Variants in CDKAL1 observed in about 807,000 individuals in gnomAD.
CDKAL1 encodes the protein CDKAL1 threonylcarbamoyladenosine tRNA methylthiotransferase.
CDKAL1 carries 32 observed loss-of-function variants against 68.2 expected under a neutral mutation model. That is an observed-to-expected ratio of 0.47 (90% CI 0.35 to 0.63). The LOEUF is 0.63. CDKAL1 is among the 30% of genes least tolerant of loss of function. The pLI is 0.00. For synonymous variants in CDKAL1, 234 were observed against 244.3 expected, an observed-to-expected ratio of 0.96 and a Z score of 0.39; for missense variants, 606 against 696.7, an observed-to-expected ratio of 0.87 and a Z score of 1.47.
At chr6:21,167,860 G>A (rs952270661) in intron 13 of CDKAL1, among the ~76,000 whole-genome samples, 2 of 152,126 alleles carry the variant, frequency 1.3e-5, no homozygotes, top group Non-Finnish European at 2.9e-5. Flanking sequence ...AATCTATGTC[G>A]GAGCTTCTAA....
At chr6:20,871,070 T>C (rs572192598) in intron 9 of CDKAL1, among the ~76,000 whole-genome samples, 2 of 152,326 alleles carry the variant, frequency 1.3e-5, no homozygotes, top group South Asian at 2.1e-4. Context: ...AAGGTACTTA[T>C]TGCACACAAG....
chr6:20,618,462 G>T (rs1281808874), intron 4 of CDKAL1, among the ~76,000 whole-genome samples: 2 of 152,046 alleles, frequency 1.3e-5, no homozygotes, highest in Non-Finnish European at 2.9e-5. Flanking sequence ...CATTGCTTTT[G>T]CTGTTTTAGT....
At chr6:20,601,116 A>G (rs1766078117) in intron 4 of CDKAL1, among the ~76,000 whole-genome samples, 1 of 152,138 alleles carries the variant, frequency 6.6e-6, no homozygotes, top group South Asian at 2.1e-4. Flanking sequence ...TCTGTGGCCC[A>G]TACTTAGGTC....
chr6:20,667,136 A>T (rs1769586428), intron 5 of CDKAL1, among the ~76,000 whole-genome samples: 1 of 152,158 alleles, frequency 6.6e-6, no homozygotes, highest in African/African-American at 2.4e-5. Context: ...AGGCTTAAGG[A>T]TTTTCCAAAG....
chr6:20,916,558 G>A (rs914828758), intron 9 of CDKAL1, among the ~76,000 whole-genome samples: 1 of 152,200 alleles, frequency 6.6e-6, no homozygotes, highest in African/African-American at 2.4e-5. Flanking sequence ...CATGTGTTGA[G>A]AAGCAGTGGG....
At chr6:20,727,915 T>G (rs904484981) in intron 5 of CDKAL1, among the ~76,000 whole-genome samples, 1 of 152,188 alleles carries the variant, frequency 6.6e-6, no homozygotes, top group Admixed American at 6.5e-5. Flanking sequence ...TCTTTTGCTG[T>G]TTTTCACTTA....
At chr6:21,115,342 T>TAG (rs975105526) in intron 13 of CDKAL1, among the ~76,000 whole-genome samples, 6 of 152,176 alleles carry the variant, frequency 3.9e-5, no homozygotes, top group African/African-American at 1.2e-4. Flanking sequence ...GTTGTTTTTC[T>TAG]AGAGAGAGAG....
At chr6:21,144,923 T>C (rs892567282) in intron 13 of CDKAL1, among the ~76,000 whole-genome samples, 11 of 152,194 alleles carry the variant, frequency 7.2e-5, no homozygotes, top group Non-Finnish European at 1.2e-4. Context: ...GATTTTCTGC[T>C]TGAAGTATTC....
At chr6:20,811,493 A>T (rs1776814855) in intron 8 of CDKAL1, among the ~76,000 whole-genome samples, 1 of 152,090 alleles carries the variant, frequency 6.6e-6, no homozygotes, top group Admixed American at 6.6e-5. Context: ...TAAGGAAACC[A>T]TTTCATTTGT....
chr6:20,854,594 T>C (rs1472184801), intron 9 of CDKAL1, among the ~76,000 whole-genome samples: 2 of 152,242 alleles, frequency 1.3e-5, no homozygotes, highest in Non-Finnish European at 2.9e-5. Context: ...AGCTTATCCT[T>C]GCCATCGGAA....
At chr6:21,103,011 TGTA>T (rs1267990903) in intron 12 of CDKAL1, among the ~76,000 whole-genome samples, 8 of 152,240 alleles carry the variant, frequency 5.3e-5, no homozygotes, top group Non-Finnish European at 1.0e-4. Flanking sequence ...TAAATTGTAT[TGTA>T]GTATACCTTA....
chr6:20,823,480 A>G (rs1031890578), intron 8 of CDKAL1, among the ~76,000 whole-genome samples: 9 of 152,210 alleles, frequency 5.9e-5, no homozygotes, highest in Admixed American at 5.2e-4. Context: ...GATAACTCAT[A>G]ATTTAGAAAA....
intron 8 of CDKAL1, among the ~76,000 whole-genome samples, chr6:20,830,833 G>C (rs550672723): frequency 6.6e-6 from 1 of 152,112 alleles, no homozygotes. Context: ...TGTGGGTTTT[G>C]CTTCTTCAAA....
intron 11 of CDKAL1, among the ~76,000 whole-genome samples, chr6:21,052,861 A>G (rs1416316615): frequency 6.6e-6 from 1 of 152,222 alleles, no homozygotes; most frequent in Non-Finnish European, 1.5e-5. Context: ...CAGAAAATAA[A>G]TAAGAGAATA....
intron 11 of CDKAL1, among the ~76,000 whole-genome samples, chr6:21,059,435 G>C (rs958605144): frequency 6.6e-6 from 1 of 152,232 alleles, no homozygotes; most frequent in Non-Finnish European, 1.5e-5. Flanking sequence ...CTGGTGGCAT[G>C]GGCTCACAGG....
chr6:21,000,216 A>C lies in CDKAL1; in HGVS notation c.910-11A>C. The C allele has an allele frequency of 6.2e-7, 1 of 1,606,926 alleles. No individual in the cohort carries two copies. Among genetic ancestry groups the C allele is most frequent in the South Asian group, 1.1e-5 (1 of 89,478 alleles). On this transcript the variant is annotated splice_polypyrimidine_tract_variant and intron_variant, in intron 10 of 15. Transcript: ENST00000274695. ...AAAATGATTAGTGTTTTCTCCTTCCATTTTTTTAAGGAAATGGCAAAAATC... is the reference window on the plus strand; with the variant it reads ...AAAATGATTAGTGTTTTCTCCTTCCCTTTTTTTAAGGAAATGGCAAAAATC...
intron 11 of CDKAL1, among the ~76,000 whole-genome samples, chr6:21,013,356 T>A (rs1768124141): frequency 6.6e-6 from 1 of 152,220 alleles, no homozygotes; most frequent in African/African-American, 2.4e-5. Context: ...TCCATCTTAT[T>A]TCTTTTTTTA....
intron 9 of CDKAL1, among the ~76,000 whole-genome samples, chr6:20,891,728 T>C (rs1216417398): frequency 1.3e-5 from 2 of 151,954 alleles, no homozygotes; most frequent in Non-Finnish European, 2.9e-5. Context: ...AGAGACAGGG[T>C]TTCACCATGT....
chr6:20,582,844 G>A (rs940659851), intron 4 of CDKAL1, among the ~76,000 whole-genome samples: 5 of 152,060 alleles, frequency 3.3e-5, no homozygotes, highest in Admixed American at 6.5e-5. Flanking sequence ...AAATCTCATC[G>A]CAGCTTTTAC....
Sources: allele counts gnomAD v4.1 joint callset (sites outside exome capture counted in the v4.1 genomes callset), GRCh38; gene constraint gnomAD v4.1.1; transcripts MANE v1.5; gene names NCBI Gene and HGNC (gene_info 2026-07-23, HGNC 2026-07-21).